The following DGKB variants were observed in gnomAD, a reference collection of about 807,000 sequenced individuals.
The protein encoded by DGKB is 90 kDa diacylglycerol kinase.
A neutral mutation model predicts 114.3 loss-of-function variants in DGKB; 67 were observed. The observed-to-expected ratio is 0.59, with a 90% CI of 0.48 to 0.72. The LOEUF (loss-of-function observed/expected upper bound fraction) is 0.72, where lower values mean the gene tolerates loss of function less well. DGKB is among the 30% of genes least tolerant of loss of function. The pLI, the probability that DGKB is intolerant of heterozygous loss-of-function variation, is 0.00. For synonymous variants in DGKB, 398 were observed against 323.1 expected (o/e 1.23, Z -2.49); for missense variants, 907 against 975.2 (o/e 0.93, Z 0.93).
intron 21 of DGKB, among the ~76,000 whole-genome samples, chr7:14,378,758 A>G (rs781760764): frequency 6.6e-6 from 1 of 152,156 alleles, no homozygotes; most frequent in Non-Finnish European, 1.5e-5. Flanking sequence ...AAAATTCAAA[A>G]TGTGCAGAAA....
At chr7:14,649,540 C>A (rs143976186) in intron 13 of DGKB, among the ~76,000 whole-genome samples, 1,552 of 152,214 alleles carry the variant, frequency 0.01, 26 homozygotes, top group African/African-American at 0.036. Context: ...GCTGCAAAAT[C>A]ATGACAAAAT....
chr7:14,796,847 G>C (rs2128036837), intron 2 of DGKB, among the ~76,000 whole-genome samples: 1 of 152,224 alleles, frequency 6.6e-6, no homozygotes, highest in East Asian at 1.9e-4. Context: ...AATTTTGCAA[G>C]AATTTTGATA....
chr7:14,343,601 GTAGGA>G (rs1232223798), intron 22 of DGKB, among the ~76,000 whole-genome samples: 9 of 151,438 alleles, frequency 5.9e-5, no homozygotes, highest in African/African-American at 2.2e-4. Context: ...GTGCTCAAGG[GTAGGA>G]TAAAGTAAAG....
At chr7:14,233,795 C>T (rs1011518842) in intron 23 of DGKB, among the ~76,000 whole-genome samples, 4 of 151,876 alleles carry the variant, frequency 2.6e-5, no homozygotes, top group South Asian at 2.1e-4. Context: ...AACCACAGGT[C>T]GAAGAAGAGA....
chr7:14,340,812 C>G (rs928569203), intron 22 of DGKB, among the ~76,000 whole-genome samples: 2 of 151,782 alleles, frequency 1.3e-5, no homozygotes, highest in African/African-American at 4.8e-5. Context: ...ATGAAATAAG[C>G]TGGAGTCAGG....
chr7:14,730,786 C>T (rs1000015434), intron 5 of DGKB, among the ~76,000 whole-genome samples: 2 of 152,136 alleles, frequency 1.3e-5, no homozygotes, highest in African/African-American at 4.8e-5. Flanking sequence ...GTATCTCCAG[C>T]ACCCATGCCC....
chr7:14,801,154 A>G (rs958426168), intron 2 of DGKB, among the ~76,000 whole-genome samples: 31 of 152,250 alleles, frequency 2.0e-4, no homozygotes, highest in African/African-American at 7.5e-4. Flanking sequence ...TATTAATTCT[A>G]CATCATAGGA....
At chr7:14,352,792 G>A (rs532426062) in intron 21 of DGKB, among the ~76,000 whole-genome samples, 14 of 152,018 alleles carry the variant, frequency 9.2e-5, no homozygotes, top group East Asian at 1.9e-4. Context: ...GCGTGGTGGC[G>A]CGTGCCTATA....
rs553088252 is a variant in DGKB, at chr7:14,913,869, G to T, written c.-188+60827C>A. On this transcript the variant is annotated intron_variant, in intron 1 of 4. Transcript: ENST00000437998. ...CTTTTCTTAGGTTAATCAGCAAATG[G>T]AGTTCACAGAGTAAACTACTACCCA... 2.6e-5 allele frequency among the ~76,000 whole-genome samples: 4 copies of T among 152,156 alleles called. No homozygotes were observed. The South Asian group carries it at 6.2e-4, about 24-fold the overall frequency.
chr7:14,247,757 A>C (rs1318861891), intron 23 of DGKB, among the ~76,000 whole-genome samples: 1 of 151,964 alleles, frequency 6.6e-6, no homozygotes, highest in Admixed American at 6.6e-5. Flanking sequence ...ACTCTTTATC[A>C]GACGCATAAT....
At chr7:14,618,902 T>C (rs1259881877) in intron 15 of DGKB, among the ~76,000 whole-genome samples, 7 of 151,500 alleles carry the variant, frequency 4.6e-5, no homozygotes, top group Admixed American at 6.6e-5. Context: ...TTAAAGCTCA[T>C]GGAAAAAATT....
intron 23 of DGKB, among the ~76,000 whole-genome samples, chr7:14,299,671 A>T (rs541225060): frequency 6.6e-6 from 1 of 152,238 alleles, no homozygotes; most frequent in East Asian, 1.9e-4. Flanking sequence ...ATTTGACTGA[A>T]TGAAAAGGAA....
intron 21 of DGKB, among the ~76,000 whole-genome samples, chr7:14,463,677 G>A (rs1227450134): frequency 6.6e-6 from 1 of 152,120 alleles, no homozygotes; most frequent in Non-Finnish European, 1.5e-5. Context: ...CATCAAATGA[G>A]TATTTATCTA....
chr7:14,287,494 T>C (rs1223770113), intron 23 of DGKB, among the ~76,000 whole-genome samples: 1 of 152,174 alleles, frequency 6.6e-6, no homozygotes, highest in Non-Finnish European at 1.5e-5. Flanking sequence ...CAATGAAGAT[T>C]TGTTGAATTA....
At chr7:14,876,806 G>A (rs1199853419) in intron 1 of DGKB, among the ~76,000 whole-genome samples, 1 of 152,082 alleles carries the variant, frequency 6.6e-6, no homozygotes, top group African/African-American at 2.4e-5. Flanking sequence ...AAAGTATATT[G>A]TGCCTAGCAA....
chr7:14,647,435 T>C (rs1813276642), intron 13 of DGKB, among the ~76,000 whole-genome samples: 1 of 152,106 alleles, frequency 6.6e-6, no homozygotes. Flanking sequence ...TATTTTTAAA[T>C]TACTCCAAAA....
chr7:14,520,420 G>A (rs893211622), intron 20 of DGKB, among the ~76,000 whole-genome samples: 1 of 151,296 alleles, frequency 6.6e-6, no homozygotes, highest in Admixed American at 6.6e-5. Flanking sequence ...ATAAACTTAG[G>A]TTACTAAGGC....
intron 1 of DGKB, among the ~76,000 whole-genome samples, chr7:14,921,548 T>G (rs1475996106): frequency 6.6e-6 from 1 of 152,194 alleles, no homozygotes; most frequent in Non-Finnish European, 1.5e-5. Context: ...AGGAAAAATT[T>G]GCAATGTCTG....
intron 23 of DGKB, among the ~76,000 whole-genome samples, chr7:14,181,911 A>G (rs981652363): frequency 6.6e-6 from 1 of 152,202 alleles, no homozygotes; most frequent in Non-Finnish European, 1.5e-5. Context: ...GAACATCTAT[A>G]AAAGGTATTT....
Sources: gnomAD v4.1 joint callset for allele counts (sites outside exome capture counted in the v4.1 genomes callset) on GRCh38, gnomAD v4.1.1 for gene constraint, MANE v1.5 for transcripts, NCBI Gene and HGNC (gene_info 2026-07-23, HGNC 2026-07-21) for gene names.